The following TG variants were observed in gnomAD, a reference collection of about 807,000 sequenced individuals.
The protein encoded by TG is thyroid hormones.
Under a neutral mutation model 324.7 loss-of-function variants are expected in TG, and 270 were observed. The ratio of observed to expected loss-of-function variants is 0.83; its 90% CI spans 0.75 to 0.92. The LOEUF (loss-of-function observed/expected upper bound fraction) is 0.92. TG is among the 40% of genes least tolerant of loss of function. The probability of loss-of-function intolerance (pLI) is 0.00; values close to 1 mark genes in which losing one functional copy is unlikely to be tolerated. For synonymous variants in TG, 1,401 were observed against 1,327.0 expected (o/e 1.06, Z -1.21); for missense variants, 3,591 against 3,456.4 (o/e 1.04, Z -0.98).
At chr8:133,094,057 G>A (rs927440479) in intron 41 of TG, among the ~76,000 whole-genome samples, 4 of 152,122 alleles carry the variant, frequency 2.6e-5, no homozygotes, top group African/African-American at 7.2e-5. Flanking sequence ...GGCAGCCAGT[G>A]TCTGAGCTAC....
At chr8:133,096,094 A>G in intron 42 of TG, 112 bp from the exon 43 acceptor site, 2 of 1,341,500 alleles carry the variant, frequency 1.5e-6, no homozygotes, top group Non-Finnish European at 2.1e-6. Context: ...TTTTCTCAGT[A>G]GAGTCATAGA....
chr8:133,041,758 T>C (rs976566572), intron 41 of TG, among the ~76,000 whole-genome samples: 12 of 151,388 alleles, frequency 7.9e-5, no homozygotes, highest in Middle Eastern at 3.2e-3. Context: ...CTGGATCTCA[T>C]TGAGGCCTTG....
At chr8:132,937,207 GA>G (rs1168860381) in intron 25 of TG, among the ~76,000 whole-genome samples, 1 of 152,188 alleles carries the variant, frequency 6.6e-6, no homozygotes, top group East Asian at 1.9e-4. Context: ...GGGAGAAGGG[GA>G]GTACAGGTGT....
At chr8:133,075,908 T>C (rs1844789087) in intron 41 of TG, 3 of 152,166 alleles carry the variant, frequency 2.0e-5, no homozygotes, top group Non-Finnish European at 1.5e-5. Flanking sequence ...TTTGGTGAGT[T>C]TGATGTTAAA....
chr8:133,004,059 C>T (rs1833804904), intron 35 of TG, among the ~76,000 whole-genome samples: 1 of 152,226 alleles, frequency 6.6e-6, no homozygotes, highest in East Asian at 1.9e-4. Context: ...GCACTCATTG[C>T]TAGTCTATCT....
chr8:133,011,822 G>C, intron 35 of TG, 79 bp from the exon 36 acceptor site: 9 of 1,601,008 alleles, frequency 5.6e-6, no homozygotes, highest in South Asian at 1.1e-5. Flanking sequence ...TGCCTTTGGG[G>C]ATATTGGGTA....
chr8:132,897,630 T>C lies in TG; in HGVS notation c.3002-19T>C. 1 of 1,614,132 alleles carries C rather than the reference T, an allele frequency of 6.2e-7. No individual in the cohort carries two copies. The highest frequency in any genetic ancestry group is 8.5e-7 in the Non-Finnish European group (1 of 1,180,040). ...AGAGCAGGTGGTCATATTCTGCTTTTCTCCTTCCCTGACTCCAGCCTTAAG... is the reference window on the plus strand; with the variant it reads ...AGAGCAGGTGGTCATATTCTGCTTTCCTCCTTCCCTGACTCCAGCCTTAAG... On this transcript the variant is annotated intron_variant, in intron 11 of 47. Coordinates refer to ENST00000220616, the MANE Select transcript of TG (RefSeq NM_003235.5).
intron 26 of TG, among the ~76,000 whole-genome samples, chr8:132,943,547 A>G (rs1824783543): frequency 6.6e-6 from 1 of 152,076 alleles, no homozygotes; most frequent in Non-Finnish European, 1.5e-5. Flanking sequence ...TCCACCTGTC[A>G]CCAGCCCAGT....
chr8:133,003,840 C>G (rs1203072620), intron 35 of TG, among the ~76,000 whole-genome samples: 1 of 152,148 alleles, frequency 6.6e-6, no homozygotes, highest in East Asian at 1.9e-4. Context: ...GGGGTATCAC[C>G]ATATAGGGCT....
intron 41 of TG, chr8:133,049,765 C>G: frequency 1.5e-6 from 1 of 677,180 alleles, no homozygotes; most frequent in Non-Finnish European, 2.7e-6. Context: ...TCCTTATTGA[C>G]TGGGTTGGGA....
At chr8:133,119,883 T>C (rs187214913) in intron 45 of TG, among the ~76,000 whole-genome samples, 1 of 152,264 alleles carries the variant, frequency 6.6e-6, no homozygotes, top group East Asian at 1.9e-4. Flanking sequence ...AACTACAGAT[T>C]CAAGCAACTG....
In TG at chr8:132,882,527, T is replaced by C. The variant is rs1194028308; in HGVS notation, c.804T>C (p.Pro268=). 6.2e-7 allele frequency: 1 copy of C among 1,614,246 alleles called. No individual in the cohort carries two copies. The highest frequency in any genetic ancestry group is 8.5e-7 in the Non-Finnish European group (1 of 1,180,048). Residue 268 remains proline (P), a synonymous_variant, in exon 7 of 48, where the codon CCT becomes CCC. Transcript: ENST00000220616. ...YDTIFAGLDL[P]STFTETTLYR... is the part of the protein sequence containing the mutation. Reference sequence around the variant, plus strand: ...CCATTTTTGCTGGCCTGGACCTTCCTTCCACCTTCACTGAAACCACCCTGT... The same window carrying C: ...CCATTTTTGCTGGCCTGGACCTTCCCTCCACCTTCACTGAAACCACCCTGT...
chr8:132,965,694 T>C (rs1246533182), intron 29 of TG, among the ~76,000 whole-genome samples: 1 of 152,164 alleles, frequency 6.6e-6, no homozygotes, highest in African/African-American at 2.4e-5. Flanking sequence ...TCAAAGCTGA[T>C]CCTCAAAGCA....
intron 23 of TG, among the ~76,000 whole-genome samples, chr8:132,932,843 C>A (rs1308171904): frequency 6.6e-6 from 1 of 152,174 alleles, no homozygotes; most frequent in African/African-American, 2.4e-5. Context: ...TGGGACATAG[C>A]CTTGAACAAA....
chr8:132,901,541 C>T lies in TG; in HGVS notation c.3622C>T (p.Pro1208Ser), dbSNP rs369112823. 122 of 1,612,964 alleles carry T rather than the reference C, an allele frequency of 7.6e-5. No individual in the cohort carries two copies. Among genetic ancestry groups the T allele is most frequent in the Non-Finnish European group, 1.0e-4 (121 of 1,179,850 alleles). The change falls in exon 16 of 48, where the codon CCC (proline) becomes TCC (serine). Residue 1208 changes from proline to serine, a missense_variant. By Grantham distance (74) the Pro-to-Ser change is moderately conservative. Transcript: ENST00000220616. ...TGGGACGCGCGTGACCGGGGGCCAGCCCGCCTGTGAGAGTAAGTCATGACC... is the reference window on the plus strand; with the variant it reads ...TGGGACGCGCGTGACCGGGGGCCAGTCCGCCTGTGAGAGTAAGTCATGACC... ...VPGTRVTGGQPACESPRCPLP... is the reference protein window; with the variant it reads ...VPGTRVTGGQSACESPRCPLP...
chr8:133,106,488 C>A lies in TG; in HGVS notation c.7573-6934C>A, dbSNP rs1464289201. On this transcript the variant is annotated intron_variant, in intron 43 of 47. Coordinates refer to ENST00000220616, the MANE Select transcript of TG (RefSeq NM_003235.5). ...CAAAAAAGCAAAAGGTAGGGTGAGG[C>A]TCTCCCAGCCACCCAGCCCTCTGTT... The A allele has an allele frequency of 5.1e-6, 5 of 984,056 alleles. No individual in the cohort carries two copies. In the African/African-American group the frequency reaches 7.0e-5, roughly 14 times the overall value. 61.0% of individuals were successfully genotyped at this position (984,056 alleles called of 1,614,324 possible). A position where few individuals can be genotyped will look rare whatever the true frequency, so the allele number is the denominator to read the frequency against.
At chr8:133,003,013 T>C in intron 35 of TG, 1 of 1,032,274 alleles carries the variant, frequency 9.7e-7, no homozygotes, top group South Asian at 3.8e-5. Flanking sequence ...AACAACTCCA[T>C]GTTTTCCAAA....
At chr8:133,120,296 T>C (rs372904279) in intron 45 of TG, among the ~76,000 whole-genome samples, 2 of 152,210 alleles carry the variant, frequency 1.3e-5, no homozygotes, top group Non-Finnish European at 2.9e-5. Flanking sequence ...GTCTTCTACA[T>C]GAGGGTGAAA....
chr8:132,973,349 A>T (rs1164943823), intron 34 of TG, among the ~76,000 whole-genome samples: 2 of 152,208 alleles, frequency 1.3e-5, no homozygotes, highest in Non-Finnish European at 2.9e-5. Context: ...TTGACAATGC[A>T]TATAGAGTTA....
Sources: gnomAD v4.1 joint callset for allele counts (sites outside exome capture counted in the v4.1 genomes callset) on GRCh38, gnomAD v4.1.1 for gene constraint, MANE v1.5 for transcripts, NCBI Gene and HGNC (gene_info 2026-07-23, HGNC 2026-07-21) for gene names.